The following CPB1 variants were observed in gnomAD, a reference collection of about 807,000 sequenced individuals.
CPB1 encodes the protein carboxypeptidase B1, also known as carboxypeptidase B.
In CPB1, 53 loss-of-function variants were observed where a neutral mutation model predicts 51.4. That is an observed-to-expected ratio of 1.03 (90% CI 0.83 to 1.30). The LOEUF (loss-of-function observed/expected upper bound fraction) is 1.30. Among genes scored for constraint, CPB1 ranks in the 50% most tolerant of loss-of-function variants. The pLI is 0.00. For missense variants in CPB1, 494 were observed against 516.2 expected (o/e 0.96, Z 0.42); for synonymous variants, 189 against 186.9 (o/e 1.01, Z -0.09).
chr3:148,840,449 T>G (rs1466283658), intron 3 of CPB1, among the ~76,000 whole-genome samples: 1 of 152,164 alleles, frequency 6.6e-6, no homozygotes, highest in East Asian at 1.9e-4. Flanking sequence ...CTGTGGAAGA[T>G]CCTACCTTGC....
At chr3:148,829,821 A>G (rs954415375) in intron 2 of CPB1, among the ~76,000 whole-genome samples, 1 of 152,202 alleles carries the variant, frequency 6.6e-6, no homozygotes, top group Admixed American at 6.5e-5. Flanking sequence ...TGTGCCAGAC[A>G]TAGTGTTAAG....
At chr3:148,830,836 C>T (rs1243395395) in intron 2 of CPB1, among the ~76,000 whole-genome samples, 1 of 152,158 alleles carries the variant, frequency 6.6e-6, no homozygotes, top group Non-Finnish European at 1.5e-5. Flanking sequence ...TGGCTGCAAA[C>T]ATCATGCTTT....
chr3:148,859,701 C>G, intron 10 of CPB1, 114 bp from the exon 11 acceptor site: 1 of 1,013,314 alleles, frequency 9.9e-7, no homozygotes, highest in Non-Finnish European at 1.4e-6. Flanking sequence ...GAAAATTGGC[C>G]TACTCAAAAT....
At chr3:148,857,728 A>C (rs1282145683) in intron 10 of CPB1, 187 bp downstream of exon 10, 4 of 482,620 alleles carry the variant, frequency 8.3e-6, no homozygotes, top group African/African-American at 2.0e-5. Context: ...ACAACATAGC[A>C]AACTTTTCTC....
chr3:148,837,451 T>A (rs1160150550), intron 3 of CPB1, among the ~76,000 whole-genome samples: 3 of 146,228 alleles, frequency 2.1e-5, no homozygotes, highest in African/African-American at 7.7e-5. Flanking sequence ...TTTTTGGGAG[T>A]CCCAGTTATC....
intron 8 of CPB1, 49 bp downstream of exon 8, chr3:148,844,816 A>T: frequency 6.5e-7 from 1 of 1,527,328 alleles, no homozygotes; most frequent in Non-Finnish European, 9.1e-7. Flanking sequence ...AAAACATAAG[A>T]GGAAAAATAT....
intron 3 of CPB1, among the ~76,000 whole-genome samples, chr3:148,835,999 T>A (rs1712892625): frequency 6.6e-6 from 1 of 152,176 alleles, no homozygotes; most frequent in South Asian, 2.1e-4. Flanking sequence ...TGCTCAACCT[T>A]TCTGAGCTTC....
intron 9 of CPB1, among the ~76,000 whole-genome samples, chr3:148,852,497 A>G (rs907108708): frequency 1.3e-5 from 2 of 152,242 alleles, no homozygotes; most frequent in Non-Finnish European, 2.9e-5. Context: ...AAATAAATAT[A>G]AGAACAAAGT....
chr3:148,845,990 G>T (rs181237028), intron 9 of CPB1, among the ~76,000 whole-genome samples: 3 of 152,090 alleles, frequency 2.0e-5, no homozygotes, highest in East Asian at 3.9e-4. Context: ...TTGTGAAGCT[G>T]CCCTGAGCTG....
chr3:148,830,064 T>C (rs1186310029), intron 2 of CPB1, among the ~76,000 whole-genome samples: 4 of 152,184 alleles, frequency 2.6e-5, no homozygotes, highest in Non-Finnish European at 5.9e-5. Context: ...ATTCTTGCTT[T>C]AAACCATACT....
In CPB1 at chr3:148,849,354, G is replaced by A. The variant is rs1417748397; in HGVS notation, c.981+3728G>A. Among the ~76,000 whole-genome samples, 11 of 152,050 alleles carry A rather than the reference G, an allele frequency of 7.2e-5. No homozygotes were observed. In the South Asian group the frequency reaches 8.3e-4, roughly 11 times the overall value. On this transcript the variant is annotated intron_variant, in intron 9 of 10. Coordinates refer to ENST00000282957, the MANE Select transcript of CPB1 (RefSeq NM_001871.3). ...TCTTTAATATAAAGTTGCCACTACC[G>A]TCAAAGGAAGTTTTGAGACTTAAAA...
intron 9 of CPB1, among the ~76,000 whole-genome samples, chr3:148,850,238 C>T (rs1713383236): frequency 6.6e-6 from 1 of 151,916 alleles, no homozygotes; most frequent in Non-Finnish European, 1.5e-5. Flanking sequence ...AATTCTAACA[C>T]CTTCCAGTCC....
intron 9 of CPB1, among the ~76,000 whole-genome samples, chr3:148,846,479 A>T (rs1463548755): frequency 6.6e-6 from 1 of 151,900 alleles, no homozygotes; most frequent in Non-Finnish European, 1.5e-5. Context: ...AGACAATGAC[A>T]TGGATATTTG....
intron 9 of CPB1, among the ~76,000 whole-genome samples, chr3:148,852,322 G>T (rs1161106081): frequency 6.6e-6 from 1 of 151,958 alleles, no homozygotes; most frequent in Non-Finnish European, 1.5e-5. Context: ...GGCAATGTTT[G>T]GGAGACATCT....
At chr3:148,836,457 A>C (rs2108012702) in intron 3 of CPB1, among the ~76,000 whole-genome samples, 1 of 152,380 alleles carries the variant, frequency 6.6e-6, no homozygotes, top group South Asian at 2.1e-4. Flanking sequence ...AACAAAGATC[A>C]GCGACCATAG....
chr3:148,830,020 C>T (rs1712687427), intron 2 of CPB1, among the ~76,000 whole-genome samples: 1 of 152,160 alleles, frequency 6.6e-6, no homozygotes, highest in South Asian at 2.1e-4. Context: ...GTGCTCTCAT[C>T]CAAAACTAAG....
chr3:148,846,797 G>GTGTGTGTGTGTGTGTA (rs1364486523), intron 9 of CPB1, among the ~76,000 whole-genome samples: 32 of 50,514 alleles, frequency 6.3e-4, no homozygotes, highest in East Asian at 3.1e-3. Flanking sequence ...GTGTGCGTGT[G>GTGTGTGTGTGTGTGTA]TATATATATA....
chr3:148,840,492 C>T (rs1252918361), intron 3 of CPB1, among the ~76,000 whole-genome samples, 194 bp from the exon 4 acceptor site: 1 of 152,192 alleles, frequency 6.6e-6, no homozygotes, highest in African/African-American at 2.4e-5. Context: ...TAGTGACTTA[C>T]TCACTCTTTA....
intron 6 of CPB1, among the ~76,000 whole-genome samples, chr3:148,843,893 A>G (rs906641232): frequency 9.9e-5 from 15 of 152,246 alleles, no homozygotes; most frequent in South Asian, 4.1e-4. Context: ...TCCCATCACT[A>G]TGCAGCTTGG....
Sources: gnomAD v4.1 joint callset for allele counts (sites outside exome capture counted in the v4.1 genomes callset) on GRCh38, gnomAD v4.1.1 for gene constraint, MANE v1.5 for transcripts, NCBI Gene and HGNC (gene_info 2026-07-23, HGNC 2026-07-21) for gene names.